PRKD3: variants seen among roughly 807,000 people sequenced by gnomAD.
PRKD3 encodes protein kinase D3, also known as serine/threonine-protein kinase D3.
Under a neutral mutation model 99.2 loss-of-function variants are expected in PRKD3, and 47 were observed. The observed-to-expected ratio is 0.47, with a 90% CI of 0.38 to 0.60. The LOEUF (loss-of-function observed/expected upper bound fraction) is 0.60. Among genes scored for constraint, PRKD3 ranks in the 20% least tolerant of loss-of-function variants. The pLI is 0.00. For synonymous variants in PRKD3, 392 were observed against 355.4 expected (o/e 1.10, Z -1.16); for missense variants, 1,019 against 1,088.4 (o/e 0.94, Z 0.90).
In PRKD3 at chr2:37,279,942, T is replaced by C. The variant is rs1390446986; in HGVS notation, c.989-13A>G. 1 of 1,563,550 alleles carries C rather than the reference T, an allele frequency of 6.4e-7. No homozygotes were observed. The highest frequency in any genetic ancestry group is 1.4e-5 in the African/African-American group (1 of 72,176). On this transcript the variant is annotated splice_polypyrimidine_tract_variant and intron_variant, in intron 7 of 18. Transcript: ENST00000234179. ...AGACTGGAAGGTTCTGGGAAAATTT[T>C]AAATGAATTTCAGAGTTTTATATTA... is the stretch of plus-strand genomic sequence containing the variant.
intron 1 of PRKD3, among the ~76,000 whole-genome samples, chr2:37,320,891 G>C (rs1445027314): frequency 6.6e-6 from 1 of 152,082 alleles, no homozygotes; most frequent in Non-Finnish European, 1.5e-5. Flanking sequence ...ATTTTTAAAA[G>C]TCTCAGTATT....
At chr2:37,292,952 C>G in intron 3 of PRKD3, 181 bp downstream of exon 3, 1 of 609,164 alleles carries the variant, frequency 1.6e-6, no homozygotes, top group African/African-American at 1.8e-5. Flanking sequence ...AGGTATTTTT[C>G]TTTCTTAATG....
intron 11 of PRKD3, among the ~76,000 whole-genome samples, chr2:37,273,757 A>C (rs1202446027): frequency 6.6e-6 from 1 of 152,238 alleles, no homozygotes; most frequent in Non-Finnish European, 1.5e-5. Flanking sequence ...CAAATGAATG[A>C]CTTATGTGTC....
intron 12 of PRKD3, among the ~76,000 whole-genome samples, chr2:37,271,815 G>C (rs1454692910): frequency 6.6e-6 from 1 of 152,204 alleles, no homozygotes; most frequent in Non-Finnish European, 1.5e-5. Context: ...AAAAAGGTTA[G>C]GGACTGCTGG....
At chr2:37,293,066 C>T in intron 3 of PRKD3, 67 bp downstream of exon 3, 1 of 1,376,844 alleles carries the variant, frequency 7.3e-7, no homozygotes, top group South Asian at 1.6e-5. Context: ...CGAATTGCAG[C>T]ATTTAGTACA....
At chr2:37,288,711 C>G (rs899417514) in intron 5 of PRKD3, among the ~76,000 whole-genome samples, 2 of 152,156 alleles carry the variant, frequency 1.3e-5, no homozygotes, top group East Asian at 3.9e-4. Flanking sequence ...CTAATTTGCT[C>G]TCTGACTTCA....
chr2:37,295,847 G>C (rs1347428074), intron 2 of PRKD3, among the ~76,000 whole-genome samples: 1 of 152,216 alleles, frequency 6.6e-6, no homozygotes, highest in Non-Finnish European at 1.5e-5. Context: ...AGATAATGCT[G>C]ACAGCATTGT....
At chr2:37,287,961 A>G (rs1670202775) in intron 5 of PRKD3, among the ~76,000 whole-genome samples, 1 of 152,236 alleles carries the variant, frequency 6.6e-6, no homozygotes, top group Non-Finnish European at 1.5e-5. Context: ...AAGCCCTTCC[A>G]TGCTACAAGT....
Position 37,308,865 on chromosome 2 carries a change from C to G in PRKD3, c.288+7372G>C, listed in dbSNP as rs571067788. On this transcript the variant is annotated intron_variant, in intron 2 of 18. Coordinates refer to ENST00000234179, the MANE Select transcript of PRKD3 (RefSeq NM_005813.6). Reference sequence around the variant, plus strand: ...AATGATTCCTTTTAATTTCTCATGACTCCTTTGGCATACCTAAAAGTACCT... The same window carrying G: ...AATGATTCCTTTTAATTTCTCATGAGTCCTTTGGCATACCTAAAAGTACCT... Among the ~76,000 whole-genome samples the G allele has an allele frequency of 3.3e-5, 5 of 151,946 alleles. No individual in the cohort carries two copies. The South Asian group carries it at 1.0e-3, about 32-fold the overall frequency.
intron 1 of PRKD3, 79 bp from the exon 2 acceptor site, chr2:37,317,258 T>C (rs1671705575): frequency 1.5e-6 from 1 of 674,714 alleles, no homozygotes; most frequent in Admixed American, 6.3e-5. Context: ...ATAACTTTTT[T>C]AAATGACAAT....
rs1259734600 is a variant in PRKD3 at position 37,259,626 on chromosome 2, T to G, written c.2102A>C (p.Lys701Thr). 2 of 1,613,648 alleles carry G rather than the reference T, an allele frequency of 1.2e-6. No individual in the cohort carries two copies. The highest frequency in any genetic ancestry group is 1.7e-6 in the Non-Finnish European group (2 of 1,179,658). ...HFKNIVHCDL[K>T]PENVLLASAE... ...TGATGCAAGCAGCACATTTTCTGGC[T>G]TTAAATCACAGTGCACAATATTCTT... is the stretch of plus-strand genomic sequence containing the variant. Residue 701 changes from lysine to threonine, a missense_variant, in exon 16 of 19, where the codon AAG becomes ACG. Physicochemically the swap from Lys to Thr is moderately conservative, Grantham distance 78. Around this residue, in one of 3 missense-constraint regions of PRKD3, gnomAD observed 184 missense variants for 275.1 expected, o/e 0.67. Transcript: ENST00000234179.
intron 9 of PRKD3, among the ~76,000 whole-genome samples, chr2:37,276,438 T>C (rs1281327696): frequency 4.6e-5 from 7 of 152,162 alleles, no homozygotes; most frequent in Admixed American, 4.6e-4. Flanking sequence ...AATCAAGTTC[T>C]TATGTGTAAG....
At chr2:37,297,431 A>T (rs1558566481) in intron 2 of PRKD3, among the ~76,000 whole-genome samples, 1 of 152,332 alleles carries the variant, frequency 6.6e-6, no homozygotes, top group African/African-American at 2.4e-5. Flanking sequence ...CCCTATTATT[A>T]ACATTGTACA....
intron 1 of PRKD3, among the ~76,000 whole-genome samples, chr2:37,323,934 T>C (rs1451065964): frequency 1.3e-5 from 2 of 152,118 alleles, no homozygotes; most frequent in African/African-American, 4.8e-5. Flanking sequence ...GCGCACACAC[T>C]TGTCGCTTGA....
chr2:37,311,582 C>A (rs540776927), intron 2 of PRKD3, among the ~76,000 whole-genome samples: 4 of 152,242 alleles, frequency 2.6e-5, no homozygotes, highest in Admixed American at 6.5e-5. Context: ...TGAAAATCTA[C>A]CTAGAATTTG....
intron 6 of PRKD3, among the ~76,000 whole-genome samples, chr2:37,283,280 T>G (rs1260583324): frequency 6.6e-6 from 1 of 152,126 alleles, no homozygotes; most frequent in Non-Finnish European, 1.5e-5. Context: ...ACCTACTATA[T>G]CAGCAACTCT....
At chr2:37,279,523 A>G in intron 8 of PRKD3, 2 of 317,002 alleles carry the variant, frequency 6.3e-6, no homozygotes, top group Non-Finnish European at 1.1e-5. Context: ...CAAAAAACGA[A>G]AAAAAAAAAA....
chr2:37,258,257 T>A (rs754523232), intron 16 of PRKD3, among the ~76,000 whole-genome samples: 1 of 152,240 alleles, frequency 6.6e-6, no homozygotes, highest in African/African-American at 2.4e-5. Flanking sequence ...CTGACACATA[T>A]TTTTATGAAT....
chr2:37,289,312 G>T, intron 5 of PRKD3, 44 bp downstream of exon 5: 1 of 1,592,546 alleles, frequency 6.3e-7, no homozygotes. Flanking sequence ...TAGAAACACA[G>T]AGAATAACTA....
Sources: gnomAD v4.1 joint callset for allele counts (sites outside exome capture counted in the v4.1 genomes callset) on GRCh38, gnomAD v4.1.1 for gene constraint, gnomAD v4.1.1 regional missense constraint, MANE v1.5 for transcripts, NCBI Gene and HGNC (gene_info 2026-07-23, HGNC 2026-07-21) for gene names.